Variants in TRPM3 observed in about 807,000 individuals in gnomAD.
The protein encoded by TRPM3 is long transient receptor potential channel 3.
A neutral mutation model predicts 181.2 loss-of-function variants in TRPM3; 77 were observed. The observed-to-expected ratio is 0.42, with a 90% CI of 0.35 to 0.51. The LOEUF (loss-of-function observed/expected upper bound fraction) is 0.51, where lower values mean the gene tolerates loss of function less well. Among genes scored for constraint, TRPM3 ranks in the 20% least tolerant of loss-of-function variants. TRPM3 has a pLI of 0.01. For missense variants in TRPM3, 1,759 were observed against 2,196.7 expected, an observed-to-expected ratio of 0.80 and a Z score of 3.98; for synonymous variants, 745 against 796.4, an observed-to-expected ratio of 0.94 and a Z score of 1.09.
intron 9 of TRPM3, among the ~76,000 whole-genome samples, chr9:70,642,331 A>G (rs2058182987): frequency 6.6e-6 from 1 of 152,216 alleles, no homozygotes; most frequent in African/African-American, 2.4e-5. Context: ...TCAGCAAACT[A>G]GAGGTGAGAG....
Position 70,537,286 on chromosome 9 carries a change from G to C in TRPM3, c.3827C>G (p.Ala1276Gly). ...ACCTGTCAGGCGCTCCAGGGCCGTGGCCATGCGCCCGATAAGGTCTTCCAG... is the reference window on the plus strand; with the variant it reads ...ACCTGTCAGGCGCTCCAGGGCCGTGCCCATGCGCCCGATAAGGTCTTCCAG... ...AQLEDLIGRMATALERLTGLE... is the reference protein window; with the variant it reads ...AQLEDLIGRMGTALERLTGLE... The change falls in exon 26 of 26, where the codon GCC becomes GGC. Residue 1276 changes from alanine to glycine, a missense_variant. By Grantham distance (60) the Ala-to-Gly change is moderately conservative. Around this residue, in one of 8 missense-constraint regions of TRPM3, gnomAD observed 612 missense variants for 590.0 expected, o/e 1.04. Coordinates refer to ENST00000677713, the MANE Select transcript of TRPM3 (RefSeq NM_001366145.2). 1 of 1,563,450 alleles carries C rather than the reference G, an allele frequency of 6.4e-7. No individual in the cohort carries two copies. Among genetic ancestry groups the C allele is most frequent in the South Asian group, 1.2e-5 (1 of 85,256 alleles).
intron 1 of TRPM3, among the ~76,000 whole-genome samples, chr9:70,912,784 T>G (rs2096551340): frequency 6.6e-6 from 1 of 152,134 alleles, no homozygotes; most frequent in African/African-American, 2.4e-5. Flanking sequence ...TTTCATGGTA[T>G]TTTAGATTTG....
At chr9:70,924,297 A>G (rs2096696855) in intron 1 of TRPM3, among the ~76,000 whole-genome samples, 1 of 152,178 alleles carries the variant, frequency 6.6e-6, no homozygotes, top group South Asian at 2.1e-4. Context: ...TCCCAAAATT[A>G]TAGTCACACT....
intron 1 of TRPM3, among the ~76,000 whole-genome samples, chr9:71,247,527 G>A (rs2082102921): frequency 6.6e-6 from 1 of 152,082 alleles, no homozygotes; most frequent in Admixed American, 6.6e-5. Context: ...AGAGTCAGGA[G>A]AGGAAGGAAT....
intron 7 of TRPM3, chr9:70,776,303 G>A: frequency 3.5e-6 from 2 of 577,688 alleles, no homozygotes; most frequent in South Asian, 2.4e-5. Flanking sequence ...CATTCCAACT[G>A]TAAAGTCGAA....
chr9:70,914,102 A>G (rs2096566101), intron 1 of TRPM3, among the ~76,000 whole-genome samples: 1 of 152,228 alleles, frequency 6.6e-6, no homozygotes, highest in Non-Finnish European at 1.5e-5. Flanking sequence ...AACAGTATTA[A>G]GAGGTTAGGT....
chr9:71,363,850 C>T (rs2092244372), intron 1 of TRPM3, among the ~76,000 whole-genome samples: 1 of 152,072 alleles, frequency 6.6e-6, no homozygotes, highest in South Asian at 2.1e-4. Context: ...AGGGTAGAAC[C>T]TGAGCCTGGC....
At chr9:70,641,189 G>A (rs1005091742) in intron 9 of TRPM3, among the ~76,000 whole-genome samples, 6 of 152,140 alleles carry the variant, frequency 3.9e-5, no homozygotes, top group Non-Finnish European at 8.8e-5. Context: ...GGTTCACAGA[G>A]CAGCTGCAGC....
intron 25 of TRPM3, among the ~76,000 whole-genome samples, chr9:70,539,470 G>A (rs922336412): frequency 7.0e-5 from 10 of 143,880 alleles, no homozygotes; most frequent in Non-Finnish European, 1.2e-4. Flanking sequence ...AGCCCTGCTT[G>A]TAATTTTTTT....
intron 1 of TRPM3, among the ~76,000 whole-genome samples, chr9:71,272,083 A>G (rs928925120): frequency 6.6e-6 from 1 of 152,202 alleles, no homozygotes; most frequent in Non-Finnish European, 1.5e-5. Flanking sequence ...GCTTGAAAGG[A>G]ATCTTGGCAA....
rs536870060 is a variant in TRPM3, at chr9:71,329,542, G to A, written c.183+117111C>T. On this transcript the variant is annotated intron_variant, in intron 1 of 24. Transcript: ENST00000357533. ...GCTCTACTTTATGCTTTATAAATTG[G>A]AGATATGAATTATATTGCATAAGGG... Among the ~76,000 whole-genome samples the A allele has an allele frequency of 9.6e-4, 146 of 152,264 alleles. 1 individual carries two copies. Among genetic ancestry groups the A allele is most frequent in the South Asian group, 6.2e-3 (30 of 4,826 alleles).
intron 1 of TRPM3, among the ~76,000 whole-genome samples, chr9:71,353,766 A>T (rs547116998): frequency 6.6e-6 from 1 of 152,320 alleles, no homozygotes; most frequent in South Asian, 2.1e-4. Flanking sequence ...TATAAAATAA[A>T]GCTTCCCCAG....
At chr9:70,893,150 C>A (rs753106988) in intron 1 of TRPM3, among the ~76,000 whole-genome samples, 2 of 152,062 alleles carry the variant, frequency 1.3e-5, no homozygotes. Flanking sequence ...ACATTTTCTG[C>A]GACACCAATA....
chr9:70,777,404 AT>A (rs932242259), intron 7 of TRPM3, among the ~76,000 whole-genome samples: 1 of 151,882 alleles, frequency 6.6e-6, no homozygotes, highest in Non-Finnish European at 1.5e-5. Context: ...ACTCTGGATA[AT>A]TTTTTTTAAA....
intron 1 of TRPM3, among the ~76,000 whole-genome samples, chr9:70,936,869 T>C (rs2096833396): frequency 6.6e-6 from 1 of 152,244 alleles, no homozygotes; most frequent in Non-Finnish European, 1.5e-5. Context: ...ATTTCTCTGC[T>C]GTATCTCTTG....
intron 1 of TRPM3, among the ~76,000 whole-genome samples, chr9:70,891,737 G>A (rs2096206826): frequency 6.6e-6 from 1 of 152,166 alleles, no homozygotes; most frequent in African/African-American, 2.4e-5. Context: ...TATGTACCAT[G>A]AGCCACTGTT....
intron 8 of TRPM3, among the ~76,000 whole-genome samples, chr9:70,751,999 A>AGTGT (rs71507124): frequency 0.013 from 1,374 of 104,238 alleles, 12 homozygotes; most frequent in African/African-American, 0.022. Flanking sequence ...ACATCTCAAC[A>AGTGT]GTGTGTGTGT....
chr9:71,237,585 A>G (rs917560561), intron 1 of TRPM3, among the ~76,000 whole-genome samples: 16 of 152,150 alleles, frequency 1.1e-4, no homozygotes, highest in African/African-American at 3.9e-4. Context: ...TAAAGTTTTG[A>G]TACCATTTTC....
At chr9:70,793,473 TATATA>T (rs1468381455) in intron 6 of TRPM3, 3 of 121,764 alleles carry the variant, frequency 2.5e-5, no homozygotes, top group African/African-American at 9.0e-5. Context: ...AAAAAAAATA[TATATA>T]TATATATATA....
Sources: gnomAD v4.1 joint callset for allele counts (sites outside exome capture counted in the v4.1 genomes callset) on GRCh38, gnomAD v4.1.1 for gene constraint, gnomAD v4.1.1 regional missense constraint, MANE v1.5 for transcripts, NCBI Gene and HGNC (gene_info 2026-07-23, HGNC 2026-07-21) for gene names.